SLC26A5: variants seen among roughly 807,000 people sequenced by gnomAD.
SLC26A5 encodes the protein prestin.
SLC26A5 carries 51 observed loss-of-function variants against 81.0 expected under a neutral mutation model. The observed-to-expected ratio is 0.63, with a 90% CI of 0.50 to 0.80. SLC26A5 has a LOEUF of 0.80. Ranked by LOEUF, SLC26A5 falls within the 30% of genes least tolerant of loss-of-function variation. SLC26A5 has a pLI of 0.00. For synonymous variants in SLC26A5, 325 were observed against 332.8 expected, an observed-to-expected ratio of 0.98 and a Z score of 0.25; for missense variants, 771 against 905.8, an observed-to-expected ratio of 0.85 and a Z score of 1.91.
downstream of SLC26A5, among the ~76,000 whole-genome samples, chr7:103,371,472 C>G (rs1030086817): frequency 2.7e-5 from 4 of 149,884 alleles, no homozygotes; most frequent in Admixed American, 2.0e-4. Context: ...CTACAGGCGC[C>G]CGCCACTACG....
chr7:103,386,809 C>G (rs1021875822), intron 14 of SLC26A5, among the ~76,000 whole-genome samples: 1 of 151,888 alleles, frequency 6.6e-6, no homozygotes, highest in African/African-American at 2.4e-5. Flanking sequence ...GTCGCCCAGG[C>G]TGGAGTGCAA....
Position 103,423,593 on chromosome 7 carries a change from G to T in SLC26A5, c.-53-2026C>A, listed in dbSNP as rs148268225. 1.1e-3 allele frequency among the ~76,000 whole-genome samples: 165 copies of T among 152,176 alleles called. 1 individual carries two copies. The highest frequency in any genetic ancestry group is 3.9e-3 in the African/African-American group (163 of 41,522). On this transcript the variant is annotated intron_variant, in intron 2 of 19. Transcript: ENST00000306312. The stretch of plus-strand genomic sequence containing the variant: ...TAAGTTATAAAAAGACTTAGCACAG[G>T]GAGTTCACCCCCTTTCATCCCTTCT...
chr7:103,367,633 T>C lies in SLC26A5; in HGVS notation c.2041+9175A>G. On this transcript the variant is annotated intron_variant, in intron 19 of 19. Coordinates refer to the SLC26A5 transcript ENST00000339444. The surrounding 1 kb of genome is among the most constrained non-coding windows in gnomAD (Gnocchi z 6.1). ...ATCTAGAGGTAAGAAAACCATTTCA[T>C]TTTAGGAAAGGGATTTTTGAAGTTT... The C allele has an allele frequency of 6.2e-7, 1 of 1,611,222 alleles. No homozygotes were observed. Among genetic ancestry groups the C allele is most frequent in the Non-Finnish European group, 8.5e-7 (1 of 1,178,678 alleles).
intron 2 of SLC26A5, among the ~76,000 whole-genome samples, chr7:103,435,862 C>T (rs533198939): frequency 4.6e-5 from 7 of 152,212 alleles, no homozygotes; most frequent in African/African-American, 1.7e-4. Context: ...GTATCTTTTA[C>T]GGTCATTTTA....
chr7:103,381,880 A>G (rs1283043252), intron 14 of SLC26A5, among the ~76,000 whole-genome samples: 3 of 151,296 alleles, frequency 2.0e-5, no homozygotes, highest in Non-Finnish European at 4.4e-5. Flanking sequence ...CATAATACAC[A>G]TACATACACA....
rs201378978 is a variant in SLC26A5 at position 103,353,840 on chromosome 7, G to GA, written c.2042-915dup. 956 of 1,218,448 alleles carry GA rather than the reference G, an allele frequency of 7.8e-4. 7 individuals are homozygous for GA. The African/African-American group carries it at 0.014, about 17-fold the overall frequency. The allele number at this position is 1,218,448 out of a possible 1,614,324, so 75.5% of individuals were successfully genotyped here. A position where few individuals can be genotyped will look rare whatever the true frequency, so the allele number is the denominator to read the frequency against. ...CACTTAAAACAATTTGAATCGAACA[G>GA]AAAAAAAGCTCTAGTTTCTTTTTTA... On this transcript the variant is annotated intron_variant, in intron 19 of 19. Coordinates refer to the SLC26A5 transcript ENST00000339444.
At chr7:103,370,674 G>T (rs1193901211), downstream of SLC26A5, among the ~76,000 whole-genome samples, 1 of 152,098 alleles carries the variant, frequency 6.6e-6, no homozygotes, top group Non-Finnish European at 1.5e-5. Context: ...AGATGAGATT[G>T]GCAATTGGGA....
intron 19 of SLC26A5, among the ~76,000 whole-genome samples, chr7:103,361,316 A>G (rs10271536): frequency 0.97 from 144,345 of 148,510 alleles, 70,299 homozygotes; most frequent in East Asian, 1. Flanking sequence ...TTGGGAGTTC[A>G]AGAGAAACCC....
intron 14 of SLC26A5, among the ~76,000 whole-genome samples, chr7:103,381,492 GCA>G (rs984328585): frequency 7.5e-5 from 11 of 146,862 alleles, no homozygotes; most frequent in Admixed American, 5.4e-4. Flanking sequence ...TGCATACACA[GCA>G]CACACACTAC....
At chr7:103,416,074 C>T (rs1381408532) in intron 4 of SLC26A5, among the ~76,000 whole-genome samples, 1 of 152,154 alleles carries the variant, frequency 6.6e-6, no homozygotes, top group African/African-American at 2.4e-5. Flanking sequence ...TGAGCTCTTT[C>T]TTGTTCTCTG....
In SLC26A5 at chr7:103,379,269, A is replaced by G. The variant is rs755349314; in HGVS notation, c.1651T>C (p.Leu551=). Residue 551 remains leucine, a synonymous_variant, in exon 16 of 20, where the codon TTG becomes CTG. Coordinates refer to ENST00000306312, the MANE Select transcript of SLC26A5 (RefSeq NM_198999.3). ...TTTCGTTTTAATGCATTGCTATACA[A>G]GTCGCTATTTGCATAGTAAATTGGT... ...NAPIYYANSD[L]YSNALKRKTG... 6.2e-6 allele frequency: 10 copies of G among 1,611,524 alleles called. No individual in the cohort carries two copies. The highest frequency in any genetic ancestry group is 8.5e-6 in the Non-Finnish European group (10 of 1,177,918).
chr7:103,397,953 AC>A lies in SLC26A5; in HGVS notation c.949del (p.Val317SerfsTer7), dbSNP rs770663172. 2 of 1,613,946 alleles carry A rather than the reference AC, an allele frequency of 1.2e-6. No homozygotes were observed. The highest frequency in any genetic ancestry group is 2.2e-5 in the South Asian group (2 of 91,084). Reference sequence around the variant, plus strand: ...CTACCCTAGAGGAAGTGTTCCAACGACATCCACATTGTATGATTCTTTCAAG... The same window carrying A: ...CTACCCTAGAGGAAGTGTTCCAACGAATCCACATTGTATGATTCTTTCAAG... ...FNLKESYNVD[V>X]VGTLPLGLLP... On this transcript the variant is annotated frameshift_variant, in exon 9 of 20. Transcript: ENST00000306312. LOFTEE classifies it high-confidence loss of function.
chr7:103,412,581 G>A (rs1047356943), intron 5 of SLC26A5, among the ~76,000 whole-genome samples: 3 of 135,034 alleles, frequency 2.2e-5, no homozygotes, highest in South Asian at 4.7e-4. Flanking sequence ...ACAGAGTCTC[G>A]TTCTGTTGCC....
intron 2 of SLC26A5, among the ~76,000 whole-genome samples, chr7:103,428,826 C>A (rs1169945218): frequency 2.6e-5 from 4 of 152,130 alleles, no homozygotes; most frequent in Admixed American, 1.3e-4. Flanking sequence ...CCTTGGTCTC[C>A]CAAAGTACTG....
chr7:103,411,329 C>T, intron 6 of SLC26A5, 91 bp downstream of exon 6: 6 of 1,490,082 alleles, frequency 4.0e-6, no homozygotes, highest in Non-Finnish European at 5.5e-6. Flanking sequence ...CTGACCCCAT[C>T]CACCGTGTAG....
chr7:103,394,874 C>A (rs1822961634), intron 9 of SLC26A5, among the ~76,000 whole-genome samples: 1 of 152,196 alleles, frequency 6.6e-6, no homozygotes, highest in South Asian at 2.1e-4. Flanking sequence ...CTTAAGAGGC[C>A]TGGTAAATTC....
chr7:103,439,855 T>C (rs1285178766), intron 2 of SLC26A5, among the ~76,000 whole-genome samples: 2 of 152,322 alleles, frequency 1.3e-5, no homozygotes, highest in African/African-American at 4.8e-5. Flanking sequence ...TTTATGAACA[T>C]GCCAAGCACT....
At chr7:103,359,540 T>C (rs1320028823) in intron 19 of SLC26A5, among the ~76,000 whole-genome samples, 1 of 152,216 alleles carries the variant, frequency 6.6e-6, no homozygotes, top group African/African-American at 2.4e-5. Context: ...TTTCTGTTTC[T>C]ATGAATTTGT....
In SLC26A5 at chr7:103,367,163, A is replaced by G. The variant is rs941366474; in HGVS notation, c.2041+9645T>C. On this transcript the variant is annotated intron_variant, in intron 19 of 19. Transcript: ENST00000339444. The surrounding 1 kb of genome is among the most constrained non-coding windows in gnomAD (Gnocchi z 6.1). ...AGTAATAAATGTGGTAGACTTTGAA[A>G]ACACTAAACTGCCCCATAGGCAGTT... 5.9e-5 allele frequency among the ~76,000 whole-genome samples: 9 copies of G among 152,180 alleles called. No individual in the cohort carries two copies. The highest frequency in any genetic ancestry group is 2.2e-4 in the African/African-American group (9 of 41,438).
Sources: allele counts gnomAD v4.1 joint callset (sites outside exome capture counted in the v4.1 genomes callset), GRCh38; gene constraint gnomAD v4.1.1; non-coding constraint Gnocchi (gnomAD v3.1); transcripts MANE v1.5; gene names NCBI Gene and HGNC (gene_info 2026-07-23, HGNC 2026-07-21).